The following VPS13D variants were observed in gnomAD, a reference collection of about 807,000 sequenced individuals.
The protein encoded by VPS13D is vacuolar protein sorting 13 homolog D.
Under a neutral mutation model 461.9 loss-of-function variants are expected in VPS13D, and 187 were observed. The observed-to-expected ratio is 0.40, with a 90% CI of 0.36 to 0.46. The LOEUF is 0.46. Among genes scored for constraint, VPS13D ranks in the 20% least tolerant of loss-of-function variants. The pLI is 0.60. For synonymous variants in VPS13D, 1,951 were observed against 1,986.3 expected, an observed-to-expected ratio of 0.98 and a Z score of 0.47; for missense variants, 4,711 against 5,364.9, an observed-to-expected ratio of 0.88 and a Z score of 3.81.
chr1:12,413,080 A>G, intron 63 of VPS13D, among the ~76,000 whole-genome samples: 1 of 152,306 alleles, frequency 6.6e-6, no homozygotes, highest in Admixed American at 6.5e-5. Context: ...AAAAGAGACT[A>G]CGCTGAGGTA....
rs1159618369 is a variant in VPS13D, at chr1:12,326,409, C to T, written c.7991-1239C>T. On this transcript the variant is annotated intron_variant, in intron 35 of 69. Coordinates refer to ENST00000620676, the MANE Select transcript of VPS13D (RefSeq NM_015378.4). ...TGTAGTGGTGGCACAATGATCATGG[C>T]TCACTCTAGCCTCAAACTCCTAGGC... is the stretch of plus-strand genomic sequence containing the variant. Among the ~76,000 whole-genome samples, 4 of 145,822 alleles carry T rather than the reference C, an allele frequency of 2.7e-5. No homozygotes were observed. In the East Asian group the frequency reaches 6.1e-4, roughly 22 times the overall value.
At chr1:12,298,037 G>A (rs988443577) in intron 24 of VPS13D, among the ~76,000 whole-genome samples, 1 of 151,988 alleles carries the variant, frequency 6.6e-6, no homozygotes, top group Non-Finnish European at 1.5e-5. Context: ...TGTGTGTACA[G>A]GAAAAAAAGA....
chr1:12,368,442 G>A (rs760283213), intron 52 of VPS13D, 26 bp from the exon 53 acceptor site: 1 of 1,584,014 alleles, frequency 6.3e-7, no homozygotes, highest in South Asian at 1.2e-5. Flanking sequence ...ATTTTATGTA[G>A]CCTCTTTTGT....
At position 12,322,568 on chromosome 1, in the gene VPS13D, C is replaced by T. The variant is rs1450845032; in HGVS notation, c.7737C>T (p.Ser2579=). The T allele has an allele frequency of 1.2e-6, 2 of 1,614,096 alleles. No individual in the cohort carries two copies. The highest frequency in any genetic ancestry group is 1.7e-6 in the Non-Finnish European group (2 of 1,180,044). Residue 2579 remains serine, a synonymous_variant, in exon 34 of 70, where the codon TCC becomes TCT. Coordinates refer to ENST00000620676, the MANE Select transcript of VPS13D (RefSeq NM_015378.4). The part of the protein sequence containing the change: ...IQLQALDIRL[S]YNDVQLFLAI... ...TACAAGCCCTGGATATCAGACTCTC[C>T]TATAATGATGTTCAGCTGTTTCTTG...
intron 65 of VPS13D, among the ~76,000 whole-genome samples, chr1:12,428,077 G>A (rs1644944329): frequency 6.6e-6 from 1 of 152,200 alleles, no homozygotes; most frequent in South Asian, 2.1e-4. Context: ...GAAAATTTAA[G>A]CTTATGTCAG....
chr1:12,294,016 G>GT (rs1300684677), intron 24 of VPS13D, among the ~76,000 whole-genome samples: 2 of 152,198 alleles, frequency 1.3e-5, no homozygotes, highest in Non-Finnish European at 2.9e-5. Context: ...AAAGTGGTAG[G>GT]TTTTTTCTAA....
At chr1:12,321,225 C>T (rs1197425535) in intron 32 of VPS13D, among the ~76,000 whole-genome samples, 1 of 152,072 alleles carries the variant, frequency 6.6e-6, no homozygotes, top group Non-Finnish European at 1.5e-5. Flanking sequence ...CCATATATAC[C>T]TATCACCCAG....
intron 60 of VPS13D, among the ~76,000 whole-genome samples, chr1:12,388,995 A>G (rs1223241167): frequency 6.6e-6 from 1 of 152,232 alleles, no homozygotes; most frequent in Non-Finnish European, 1.5e-5. Flanking sequence ...GGATATGTAT[A>G]TAAGTATTAA....
Position 12,319,584 on chromosome 1 carries a change from C to G in VPS13D, c.7502C>G (p.Pro2501Arg), listed in dbSNP as rs1233975866. The G allele has an allele frequency of 6.2e-7, 1 of 1,614,010 alleles. No individual in the cohort carries two copies. Among genetic ancestry groups the G allele is most frequent in the East Asian group, 2.2e-5 (1 of 44,896 alleles). ...GGCACCACAGTGCTCACCTATAAGC[C>G]CCGGTTTGTTGATCGCCCCTTTTCA... ...LKGTTVLTYK[P>R]RFVDRPFSGS... is the part of the protein sequence containing the mutation. Residue 2501 changes from proline to arginine, a missense_variant, in exon 32 of 70, where the codon CCC (proline) becomes CGC (arginine). By Grantham distance (103) the Pro-to-Arg change is moderately radical (BLOSUM62 -2). This residue lies in a region of VPS13D where 4,411 missense variants were observed against 4,937.8 expected (regional missense o/e 0.89). Transcript: ENST00000620676.
chr1:12,336,961 C>G (rs915511537), intron 39 of VPS13D: 1 of 152,192 alleles, frequency 6.6e-6, no homozygotes, highest in Non-Finnish European at 1.5e-5. Context: ...AATTCAGAGT[C>G]AAACTCTAGC....
intron 10 of VPS13D, among the ~76,000 whole-genome samples, chr1:12,259,617 C>CT (rs1641039960): frequency 6.6e-6 from 1 of 152,044 alleles, no homozygotes; most frequent in Admixed American, 6.6e-5. Context: ...GGATGATTTT[C>CT]TTAAAGGCAC....
chr1:12,479,679 G>T (rs1570254867), intron 67 of VPS13D, among the ~76,000 whole-genome samples: 1 of 152,136 alleles, frequency 6.6e-6, no homozygotes, highest in East Asian at 1.9e-4. Context: ...TCTCTGTGCT[G>T]CTTCTGGGCC....
At chr1:12,258,275 C>T (rs1190017501) in intron 10 of VPS13D, among the ~76,000 whole-genome samples, 172 bp downstream of exon 10, 2 of 152,170 alleles carry the variant, frequency 1.3e-5, no homozygotes, top group Admixed American at 6.5e-5. Flanking sequence ...GAGCATCCTC[C>T]ACCTTCTGCT....
intron 65 of VPS13D, among the ~76,000 whole-genome samples, chr1:12,428,564 G>A (rs1181642704): frequency 2.0e-5 from 3 of 152,126 alleles, no homozygotes; most frequent in African/African-American, 7.2e-5. Context: ...CTCCCCTTGC[G>A]CTTGTACTCA....
At chr1:12,347,939 C>T (rs188749192) in intron 44 of VPS13D, among the ~76,000 whole-genome samples, 195 of 152,214 alleles carry the variant, frequency 1.3e-3, no homozygotes, top group Non-Finnish European at 2.2e-3. Context: ...TGGCGGTAAC[C>T]CAAGACCAAA....
chr1:12,439,144 T>C (rs1645098625), intron 65 of VPS13D, among the ~76,000 whole-genome samples: 1 of 152,102 alleles, frequency 6.6e-6, no homozygotes, highest in Non-Finnish European at 1.5e-5. Flanking sequence ...AGGCTTCCCG[T>C]TTCACTCCAC....
chr1:12,271,871 T>C (rs1194570607), intron 17 of VPS13D, among the ~76,000 whole-genome samples: 1 of 151,992 alleles, frequency 6.6e-6, no homozygotes, highest in Non-Finnish European at 1.5e-5. Flanking sequence ...ATGCCATAGA[T>C]AGGGAGGGCC....
chr1:12,246,555 C>T (rs1042731359), intron 5 of VPS13D, among the ~76,000 whole-genome samples: 19 of 152,154 alleles, frequency 1.2e-4, no homozygotes, highest in Admixed American at 9.8e-4. Context: ...ATAAGGGATA[C>T]GTGACCTGTA....
intron 25 of VPS13D, among the ~76,000 whole-genome samples, chr1:12,301,308 C>A (rs1158343394): frequency 1.3e-5 from 2 of 152,230 alleles, no homozygotes; most frequent in Non-Finnish European, 2.9e-5. Context: ...GCTCCCCACT[C>A]AGACACCAGT....
Sources: allele counts gnomAD v4.1 joint callset (sites outside exome capture counted in the v4.1 genomes callset), GRCh38; gene constraint gnomAD v4.1.1; regional missense constraint gnomAD v4.1.1; transcripts MANE v1.5; gene names NCBI Gene and HGNC (gene_info 2026-07-23, HGNC 2026-07-21).